Variants in RGS7 observed in about 807,000 individuals in gnomAD.
RGS7 encodes the protein regulator of G-protein signaling 7.
A neutral mutation model predicts 81.1 loss-of-function variants in RGS7; 27 were observed. The observed-to-expected ratio is 0.33, with a 90% CI of 0.25 to 0.46. RGS7 has a LOEUF of 0.46. Among genes scored for constraint, RGS7 ranks in the 20% least tolerant of loss-of-function variants. RGS7 has a pLI of 1.00. For synonymous variants in RGS7, 208 were observed against 207.7 expected, an observed-to-expected ratio of 1.00 and a Z score of -0.01; for missense variants, 396 against 607.4, an observed-to-expected ratio of 0.65 and a Z score of 3.66.
rs1663930681 is a variant in RGS7, at chr1:240,868,706, A to G, written c.528-38T>C. 6.2e-7 allele frequency: 1 copy of G among 1,610,694 alleles called. No homozygotes were observed. The highest frequency in any genetic ancestry group is 8.5e-7 in the Non-Finnish European group (1 of 1,176,974). ...TAACAATAGATAACATTTAGTATTA[A>G]TTGTAGTGCCTCTCTGAACAAAAAG... On this transcript the variant is annotated intron_variant, in intron 8 of 18. Transcript: ENST00000440928. This position sits in a 1 kb window ranked among gnomAD's most constrained non-coding sequence, Gnocchi z 5.1.
At chr1:241,325,116 G>A (rs950235299) in intron 2 of RGS7, among the ~76,000 whole-genome samples, 3 of 152,136 alleles carry the variant, frequency 2.0e-5, no homozygotes, top group South Asian at 4.1e-4. Flanking sequence ...TCCCATCCAC[G>A]ACCTGACTCT....
At chr1:240,899,781 G>A (rs1405099231) in intron 6 of RGS7, among the ~76,000 whole-genome samples, 2 of 151,984 alleles carry the variant, frequency 1.3e-5, no homozygotes, top group African/African-American at 2.4e-5. Context: ...TGCTCTTCTC[G>A]AGGTGTATCT....
chr1:241,038,952 G>C (rs1015441039), intron 3 of RGS7, among the ~76,000 whole-genome samples: 1 of 151,906 alleles, frequency 6.6e-6, no homozygotes, highest in African/African-American at 2.4e-5. Flanking sequence ...GGGAGACAGA[G>C]CAAGATCCTG....
intron 6 of RGS7, among the ~76,000 whole-genome samples, chr1:240,928,742 T>C (rs1248344218): frequency 6.6e-6 from 1 of 151,854 alleles, no homozygotes; most frequent in African/African-American, 2.4e-5. Flanking sequence ...CCAGGTAAGC[T>C]GGGATTACAG....
chr1:241,044,529 C>G (rs1396744241), intron 3 of RGS7, among the ~76,000 whole-genome samples: 6 of 152,174 alleles, frequency 3.9e-5, no homozygotes, highest in Non-Finnish European at 5.9e-5. Context: ...CTCAGGCAAT[C>G]CTCCCATCTC....
intron 9 of RGS7, among the ~76,000 whole-genome samples, chr1:240,865,315 C>T (rs1196404857): frequency 6.6e-6 from 1 of 152,118 alleles, no homozygotes; most frequent in Admixed American, 6.5e-5. Context: ...GAAGTGTACA[C>T]AATAGGACAG....
At chr1:241,143,820 T>C (rs1303461666) in intron 2 of RGS7, among the ~76,000 whole-genome samples, 2 of 152,184 alleles carry the variant, frequency 1.3e-5, no homozygotes, top group African/African-American at 4.8e-5. Context: ...AAGAGTTGAT[T>C]AGATCATGAG....
chr1:241,303,213 G>T (rs2079880265), intron 2 of RGS7, among the ~76,000 whole-genome samples: 1 of 151,050 alleles, frequency 6.6e-6, no homozygotes, highest in South Asian at 2.1e-4. Context: ...TTGGTCCATG[G>T]GGGTGGATTT....
chr1:241,123,690 G>A (rs1449178459), intron 2 of RGS7, among the ~76,000 whole-genome samples: 2 of 152,246 alleles, frequency 1.3e-5, no homozygotes, highest in Non-Finnish European at 2.9e-5. Context: ...GGCGGAGGTG[G>A]TGGTGAGCTG....
chr1:241,100,668 A>C (rs1323297822), intron 2 of RGS7, among the ~76,000 whole-genome samples: 1 of 152,220 alleles, frequency 6.6e-6, no homozygotes, highest in African/African-American at 2.4e-5. Flanking sequence ...TAATACTTGT[A>C]ATAATTTCTT....
rs184975886 is a variant in RGS7, at chr1:240,948,417, C to T, written c.227-11711G>A. On this transcript the variant is annotated intron_variant, in intron 4 of 18. Transcript: ENST00000440928. ...GAAATAAAATAGGGGAGCCAAAAGA[C>T]GCACATATTTTTTAAGTGTTGCTAT... 2.0e-4 allele frequency among the ~76,000 whole-genome samples: 31 copies of T among 152,154 alleles called. No homozygotes were observed. The East Asian group carries it at 4.4e-3, about 22-fold the overall frequency.
chr1:240,828,808 C>G (rs1366881598), intron 9 of RGS7, among the ~76,000 whole-genome samples: 1 of 152,150 alleles, frequency 6.6e-6, no homozygotes, highest in Non-Finnish European at 1.5e-5. Flanking sequence ...AACAAACAAA[C>G]AAACCATCAA....
chr1:241,327,022 G>GGAAA (rs2081547310), intron 2 of RGS7, among the ~76,000 whole-genome samples: 1 of 21,588 alleles, frequency 4.6e-5, no homozygotes, highest in African/African-American at 1.6e-4. Context: ...AAGGAAGGAA[G>GGAAA]GAAGGAAGGA....
chr1:240,806,409 A>T (rs577939658), intron 14 of RGS7, 83 bp from the exon 15 acceptor site: 1 of 1,350,876 alleles, frequency 7.4e-7, no homozygotes, highest in East Asian at 2.3e-5. Context: ...CATGCAGTTC[A>T]TCATGACGAC....
chr1:240,934,789 G>T (rs1395850676), intron 5 of RGS7, among the ~76,000 whole-genome samples: 1 of 143,128 alleles, frequency 7.0e-6, no homozygotes, highest in Non-Finnish European at 1.5e-5. Flanking sequence ...TATGTCATTT[G>T]TACCCATTCC....
At chr1:241,321,867 G>A (rs997469738) in intron 2 of RGS7, among the ~76,000 whole-genome samples, 1 of 152,046 alleles carries the variant, frequency 6.6e-6, no homozygotes, top group African/African-American at 2.4e-5. Flanking sequence ...AGTCCAAACC[G>A]CCGTTCTAGA....
intron 2 of RGS7, among the ~76,000 whole-genome samples, chr1:241,330,085 G>T (rs2081878291): frequency 6.6e-6 from 1 of 152,114 alleles, no homozygotes; most frequent in Non-Finnish European, 1.5e-5. Context: ...GACTACAGGT[G>T]CCCGGCACCA....
In RGS7 at chr1:240,946,921, C is replaced by A. The variant is rs530744402; in HGVS notation, c.227-10215G>T. On this transcript the variant is annotated intron_variant, in intron 4 of 18. Coordinates refer to ENST00000440928, the MANE Select transcript of RGS7 (RefSeq NM_001364886.1). ...TGATAAATGTTTAAAGTGATGGATA[C>A]GGTAATTGCCCTGATTTGTTCATTA... Among the ~76,000 whole-genome samples the A allele has an allele frequency of 9.2e-5, 14 of 152,250 alleles. No homozygotes were observed. The East Asian group carries it at 2.7e-3, about 29-fold the overall frequency.
intron 2 of RGS7, among the ~76,000 whole-genome samples, chr1:241,230,231 T>G (rs1394241913): frequency 6.6e-6 from 1 of 152,162 alleles, no homozygotes; most frequent in Non-Finnish European, 1.5e-5. Flanking sequence ...TTTATTTATT[T>G]GAGACAGAGT....
Sources: allele counts gnomAD v4.1 joint callset (sites outside exome capture counted in the v4.1 genomes callset), GRCh38; gene constraint gnomAD v4.1.1; non-coding constraint Gnocchi (gnomAD v3.1); transcripts MANE v1.5; gene names NCBI Gene and HGNC (gene_info 2026-07-23, HGNC 2026-07-21).